MFSD2A: variants seen among roughly 807,000 people sequenced by gnomAD.
MFSD2A encodes sodium-dependent lysophosphatidylcholine symporter 1.
A neutral mutation model predicts 64.7 loss-of-function variants in MFSD2A; 27 were observed. The observed-to-expected ratio is 0.42, with a 90% confidence interval of 0.31 to 0.58. MFSD2A has a LOEUF of 0.58. Among genes scored for constraint, MFSD2A ranks in the 20% least tolerant of loss-of-function variants. The pLI is 0.18. For missense variants in MFSD2A, 474 were observed against 679.5 expected, an observed-to-expected ratio of 0.70 and a Z score of 3.36; for synonymous variants, 258 against 273.4, an observed-to-expected ratio of 0.94 and a Z score of 0.55.
At position 39,967,233 on chromosome 1, in the gene MFSD2A, C is replaced by A. The variant is rs755414936; in HGVS notation, c.1011+64C>A. 3.5e-6 allele frequency: 5 copies of A among 1,415,150 alleles called. No individual in the cohort carries two copies. The Admixed American group carries it at 8.7e-5, about 24-fold the overall frequency. The allele number at this position is 1,415,150 out of a possible 1,614,324, so 87.7% of individuals were successfully genotyped here. A position where few individuals can be genotyped will look rare whatever the true frequency, so the allele number is the denominator to read the frequency against. On this transcript the variant is annotated intron_variant, in intron 9 of 13. Coordinates refer to ENST00000372811, the MANE Select transcript of MFSD2A (RefSeq NM_032793.5). ...AGGTGACATAGGCTGTGGAATGGTT[C>A]TTGGAATAGGCAGAGGATGTTTCTC... is the stretch of plus-strand genomic sequence containing the variant.
chr1:39,969,574 G>A lies in MFSD2A; in HGVS notation c.*6G>A, dbSNP rs755339581. 2.1e-5 allele frequency: 34 copies of A among 1,608,352 alleles called. No individual in the cohort carries two copies. Among genetic ancestry groups the A allele is most frequent in the Non-Finnish European group, 2.5e-5 (30 of 1,177,588 alleles). ...AGCTGGCTAGCATCCTCTAGGGCCC[G>A]CCACGTTGCCCGAAGCCACCATGCA... On this transcript the variant is annotated 3_prime_UTR_variant, in exon 14 of 14. Coordinates refer to ENST00000372811, the MANE Select transcript of MFSD2A (RefSeq NM_032793.5).
chr1:39,967,178 G>C lies in MFSD2A; in HGVS notation c.1011+9G>C, dbSNP rs762447117. The C allele has an allele frequency of 1.2e-6, 2 of 1,613,618 alleles. No homozygotes were observed. The highest frequency in any genetic ancestry group is 1.7e-6 in the Non-Finnish European group (2 of 1,179,606). ...TACTCCTGGCCATCATGGTGAGTGGGACCTGAGCAGGGGCGGGCAGCCTGG... is the reference window on the plus strand; with the variant it reads ...TACTCCTGGCCATCATGGTGAGTGGCACCTGAGCAGGGGCGGGCAGCCTGG... On this transcript the variant is annotated intron_variant, in intron 9 of 13. Coordinates refer to ENST00000372811, the MANE Select transcript of MFSD2A (RefSeq NM_032793.5).
Position 39,969,809 on chromosome 1 carries a change from A to T in MFSD2A, c.*241A>T. The T allele has an allele frequency of 1.9e-6, 1 of 539,882 alleles. No individual in the cohort carries two copies. Among genetic ancestry groups the T allele is most frequent in the Non-Finnish European group, 3.3e-6 (1 of 307,494 alleles). 33.4% of individuals were successfully genotyped at this position (539,882 alleles called of 1,614,324 possible). Reference sequence around the variant, plus strand: ...GCCACTGTGAATATGCCAAGGACTGATCGGGCCTAGCCCGGAACACTAATG... The same window carrying T: ...GCCACTGTGAATATGCCAAGGACTGTTCGGGCCTAGCCCGGAACACTAATG... On this transcript the variant is annotated 3_prime_UTR_variant, in exon 14 of 14. Transcript: ENST00000372811.
At chr1:39,957,286 G>C (rs1474419167) in intron 2 of MFSD2A, 65 bp downstream of exon 2, 9 of 1,460,482 alleles carry the variant, frequency 6.2e-6, no homozygotes, top group Non-Finnish European at 7.3e-6. Flanking sequence ...ATGCACCCCT[G>C]GGTCAGTTCG....
Position 39,958,647 on chromosome 1 carries a change from A to G in MFSD2A, c.229-54A>G, listed in dbSNP as rs779888610. The G allele has an allele frequency of 9.3e-6, 15 of 1,614,014 alleles. No homozygotes were observed. Among genetic ancestry groups the G allele is most frequent in the Non-Finnish European group, 1.1e-5 (13 of 1,179,972 alleles). ...GCCTCTGCTTCTGCCTACCAGTGAG[A>G]GTTGAGGCGAGTAGAAGGATGAGGA... On this transcript the variant is annotated intron_variant, in intron 2 of 13. Coordinates refer to ENST00000372811, the MANE Select transcript of MFSD2A (RefSeq NM_032793.5). This position sits in a 1 kb window ranked among gnomAD's most constrained non-coding sequence, Gnocchi z 4.7.
At position 39,960,300 on chromosome 1, in the gene MFSD2A, G is replaced by A. The variant is rs1475947692; in HGVS notation, c.353+1475G>A. On this transcript the variant is annotated intron_variant, in intron 3 of 13. Transcript: ENST00000372811. This position sits in a 1 kb window ranked among gnomAD's most constrained non-coding sequence, Gnocchi z 4.8. ...GTGGGCGCCTTCCTGCCCCAGGGGC[G>A]CCCATACCTGGCCTCCGGCCTTCAA... Among the ~76,000 whole-genome samples, 3 of 152,190 alleles carry A rather than the reference G, an allele frequency of 2.0e-5. No homozygotes were observed. The highest frequency in any genetic ancestry group is 6.5e-5 in the Admixed American group (1 of 15,286).
At chr1:39,969,135 GGA>G (rs1182931330) in intron 13 of MFSD2A, among the ~76,000 whole-genome samples, 1 of 152,176 alleles carries the variant, frequency 6.6e-6, no homozygotes, top group Admixed American at 6.5e-5. Flanking sequence ...TGAAAGGGGC[GGA>G]GCTGGGGTTT....
In MFSD2A at chr1:39,965,490, C is replaced by T. The variant is rs1057517689; in HGVS notation, c.497C>T (p.Ser166Leu). The T allele has an allele frequency of 6.8e-6, 11 of 1,613,964 alleles. No individual in the cohort carries two copies. Among genetic ancestry groups the T allele is most frequent in the African/African-American group, 2.7e-5 (2 of 74,884 alleles). The change falls in exon 5 of 14, where the codon TCG becomes TTG. Residue 166 changes from serine (S) to leucine (L), a missense_variant. By Grantham distance (145) the Ser-to-Leu change is moderately radical. Coordinates refer to ENST00000372811, the MANE Select transcript of MFSD2A (RefSeq NM_032793.5). The surrounding 1 kb of genome is among the most constrained non-coding windows in gnomAD (Gnocchi z 5.5). ...TMVTCFHVPY[S>L]ALTMFISTEQ... Reference sequence around the variant, plus strand: ...TGCCAGTGTTTCCATGTTCCCTACTCGGCTCTCACCATGTTCATCAGCACC... The same window carrying T: ...TGCCAGTGTTTCCATGTTCCCTACTTGGCTCTCACCATGTTCATCAGCACC...
chr1:39,956,151 C>T (rs1039137902), intron 1 of MFSD2A, among the ~76,000 whole-genome samples: 2 of 152,212 alleles, frequency 1.3e-5, no homozygotes, highest in Non-Finnish European at 2.9e-5. Context: ...GTGCCCCACC[C>T]GGAGAGGGAT....
In MFSD2A at chr1:39,968,021, T is replaced by A; in HGVS notation, c.1208+105T>A. The A allele has an allele frequency of 1.4e-6, 1 of 729,946 alleles. No individual in the cohort carries two copies. Among genetic ancestry groups the A allele is most frequent in the Non-Finnish European group, 2.2e-6 (1 of 446,176 alleles). 45.2% of individuals were successfully genotyped at this position (729,946 alleles called of 1,614,324 possible). ...TGCAGTGTTCTCCCACAGGCCATTC[T>A]GTGGGTCCAGGTTAGGAGTGGGGGA... is the stretch of plus-strand genomic sequence containing the variant. On this transcript the variant is annotated intron_variant, in intron 11 of 13. Coordinates refer to ENST00000372811, the MANE Select transcript of MFSD2A (RefSeq NM_032793.5). The surrounding 1 kb of genome is among the most constrained non-coding windows in gnomAD (Gnocchi z 4.4).
In MFSD2A at chr1:39,955,813, G is replaced by T. The variant is rs774614712; in HGVS notation, c.93+428G>T. On this transcript the variant is annotated intron_variant, in intron 1 of 13. Transcript: ENST00000372811. The surrounding 1 kb of genome is among the most constrained non-coding windows in gnomAD (Gnocchi z 5.9). ...GCGCCTCAACTCTGCTGTTAGGGCC[G>T]CTCAAGTTCATTCATAAGAACAAGA... 1 of 344,278 alleles carries T rather than the reference G, an allele frequency of 2.9e-6. No individual in the cohort carries two copies. 21.3% of individuals were successfully genotyped at this position (344,278 alleles called of 1,614,324 possible). A position where few individuals can be genotyped will look rare whatever the true frequency, so the allele number is the denominator to read the frequency against.
intron 3 of MFSD2A, chr1:39,962,670 C>T (rs577810524): frequency 1.5e-4 from 116 of 780,816 alleles, no homozygotes; most frequent in Non-Finnish European, 2.2e-4. Context: ...TGGCCGTGGA[C>T]GGGGCCCGGG....
At chr1:39,961,988 A>G (rs1047314952) in intron 3 of MFSD2A, among the ~76,000 whole-genome samples, 3 of 152,098 alleles carry the variant, frequency 2.0e-5, no homozygotes, top group Non-Finnish European at 4.4e-5. Flanking sequence ...ACGCATGCCA[A>G]CTCTCCTGCT....
In MFSD2A at chr1:39,960,388, C is replaced by G. The variant is rs1645012080; in HGVS notation, c.353+1563C>G. On this transcript the variant is annotated intron_variant, in intron 3 of 13. Coordinates refer to ENST00000372811, the MANE Select transcript of MFSD2A (RefSeq NM_032793.5). The surrounding 1 kb of genome is among the most constrained non-coding windows in gnomAD (Gnocchi z 4.8). ...TTTCCCACGAGGCCCCCCACCCACC[C>G]CAATCCTGCCAGCCCCTGGCTAAGG... 6.6e-6 allele frequency among the ~76,000 whole-genome samples: 1 copy of G among 152,248 alleles called. No homozygotes were observed. The highest frequency in any genetic ancestry group is 2.1e-4 in the South Asian group (1 of 4,836).
Position 39,965,172 on chromosome 1 carries a change from C to T in MFSD2A, c.354-39C>T, listed in dbSNP as rs770550537. Reference sequence around the variant, plus strand: ...ACTGGGCTGGGCCTGGTCCTGGGCTCCAGCCTCCAGCCTCCACTCACACCC... The same window carrying T: ...ACTGGGCTGGGCCTGGTCCTGGGCTTCAGCCTCCAGCCTCCACTCACACCC... On this transcript the variant is annotated intron_variant, in intron 3 of 13. Transcript: ENST00000372811. The surrounding 1 kb of genome is among the most constrained non-coding windows in gnomAD (Gnocchi z 5.5). 6.2e-7 allele frequency: 1 copy of T among 1,612,380 alleles called. No individual in the cohort carries two copies. Among genetic ancestry groups the T allele is most frequent in the Non-Finnish European group, 8.5e-7 (1 of 1,179,534 alleles).
chr1:39,961,980 G>C (rs373263869), intron 3 of MFSD2A, among the ~76,000 whole-genome samples: 1 of 152,186 alleles, frequency 6.6e-6, no homozygotes, highest in African/African-American at 2.4e-5. Context: ...CATTAGTTAC[G>C]CATGCCAACT....
chr1:39,968,490 G>A lies in MFSD2A; in HGVS notation c.1352+13G>A. On this transcript the variant is annotated intron_variant, in intron 12 of 13. Coordinates refer to ENST00000372811, the MANE Select transcript of MFSD2A (RefSeq NM_032793.5). The surrounding 1 kb of genome is among the most constrained non-coding windows in gnomAD (Gnocchi z 4.4). ...CCCTCAGTCTGGAGTGAGTGGGGTG[G>A]GGACCTGGGGCAGGACTGGGCAGGG... 6.2e-7 allele frequency: 1 copy of A among 1,614,154 alleles called. No homozygotes were observed. Among genetic ancestry groups the A allele is most frequent in the Non-Finnish European group, 8.5e-7 (1 of 1,179,996 alleles).
chr1:39,967,261 G>C (rs1645184082), intron 9 of MFSD2A, 92 bp downstream of exon 9: 2 of 1,214,934 alleles, frequency 1.6e-6, no homozygotes, highest in Admixed American at 3.8e-5. Flanking sequence ...TGTTTCTCAG[G>C]CTGGCCCAAG....
At chr1:39,957,336 T>A in intron 2 of MFSD2A, 115 bp downstream of exon 2, 3 of 1,094,836 alleles carry the variant, frequency 2.7e-6, no homozygotes, top group Non-Finnish European at 3.9e-6. Flanking sequence ...CCCAAATCAC[T>A]ACTTTGCTGC....
Sources: gnomAD v4.1 joint callset for allele counts (sites outside exome capture counted in the v4.1 genomes callset) on GRCh38, gnomAD v4.1.1 for gene constraint, Gnocchi (gnomAD v3.1) non-coding constraint, MANE v1.5 for transcripts, NCBI Gene and HGNC (gene_info 2026-07-23, HGNC 2026-07-21) for gene names.